Variants in PTPRA observed in about 807,000 individuals in gnomAD.
PTPRA encodes protein tyrosine phosphatase receptor type A, also known as receptor-type tyrosine-protein phosphatase alpha.
In PTPRA, 25 loss-of-function variants were observed where a neutral mutation model predicts 104.8. The ratio of observed to expected loss-of-function variants is 0.24; its 90% CI spans 0.17 to 0.33. PTPRA has a LOEUF of 0.33. Among genes scored for constraint, PTPRA ranks in the 10% least tolerant of loss-of-function variants. PTPRA has a pLI of 1.00. For synonymous variants in PTPRA, 323 were observed against 368.9 expected (o/e 0.88, Z 1.43); for missense variants, 765 against 1,015.3 (o/e 0.75, Z 3.35).
chr20:2,925,198 C>T (rs1299984626), intron 2 of PTPRA, among the ~76,000 whole-genome samples: 7 of 152,160 alleles, frequency 4.6e-5, no homozygotes, highest in Admixed American at 1.3e-4. Flanking sequence ...CCCATTTCCT[C>T]CTCCCCCAGC....
intron 1 of PTPRA, among the ~76,000 whole-genome samples, chr20:2,901,916 C>T (rs536159908): frequency 6.0e-5 from 9 of 150,830 alleles, no homozygotes; most frequent in East Asian, 3.9e-4. Flanking sequence ...TACAGAGTCT[C>T]GCTCTGTCAC....
chr20:3,008,663 G>A (rs942522838), intron 11 of PTPRA, among the ~76,000 whole-genome samples: 8 of 151,194 alleles, frequency 5.3e-5, no homozygotes, highest in South Asian at 2.1e-4. Context: ...AGGCCAAGGC[G>A]GTGGATCACT....
chr20:2,987,294 G>A (rs2062950744), intron 7 of PTPRA, among the ~76,000 whole-genome samples: 1 of 151,920 alleles, frequency 6.6e-6, no homozygotes, highest in African/African-American at 2.4e-5. Flanking sequence ...GGGACCCCTG[G>A]CCCTGGCATG....
At chr20:2,884,647 T>TA (rs1216430915) in intron 1 of PTPRA, among the ~76,000 whole-genome samples, 1 of 152,214 alleles carries the variant, frequency 6.6e-6, no homozygotes, top group Non-Finnish European at 1.5e-5. Context: ...AAGTTACTTA[T>TA]ATATTTTTAG....
intron 13 of PTPRA, among the ~76,000 whole-genome samples, chr20:3,019,962 C>CTG (rs1325759180): frequency 9.9e-5 from 15 of 151,944 alleles, no homozygotes; most frequent in African/African-American, 3.6e-4. Flanking sequence ...CAATCGCAGG[C>CTG]ACTCGGCAGG....
chr20:2,966,971 G>A (rs1459363008), intron 5 of PTPRA, among the ~76,000 whole-genome samples: 1 of 152,204 alleles, frequency 6.6e-6, no homozygotes, highest in African/African-American at 2.4e-5. Flanking sequence ...TGGAAAAGGT[G>A]GAGACTGTAA....
rs534878211 is a variant in PTPRA, at chr20:3,027,494, C to T, written c.1786-213C>T. On this transcript the variant is annotated intron_variant, in intron 19 of 23. Coordinates refer to ENST00000399903, the MANE Select transcript of PTPRA (RefSeq NM_001385305.1). The stretch of plus-strand genomic sequence containing the variant: ...CCCTGATCTTTCCCATTCCTGCCCT[C>T]TTCATCCTAGCTCTAATCCCTGTTC... Among the ~76,000 whole-genome samples, 70 of 152,346 alleles carry T rather than the reference C, an allele frequency of 4.6e-4. No homozygotes were observed. In the South Asian group the frequency reaches 9.5e-3, roughly 21 times the overall value.
rs367794432 is a variant in PTPRA, at chr20:2,965,006, C to T, written c.219C>T (p.Pro73=). Residue 73 remains proline (P), a synonymous_variant, in exon 5 of 24, where the codon CCC becomes CCT. Transcript: ENST00000399903. The part of the protein sequence containing the change: ...PTFSPNITLG[P]TYLTTVNSSD... ...TCAGCCCAAATATAACTCTGGGACC[C>T]ACCTATTTAACCACTGTCAATTCTT... 9.3e-6 allele frequency: 15 copies of T among 1,614,008 alleles called. No homozygotes were observed. The African/African-American group carries it at 1.9e-4, about 20-fold the overall frequency.
intron 17 of PTPRA, among the ~76,000 whole-genome samples, chr20:3,026,045 A>G (rs1004539625): frequency 6.6e-6 from 1 of 151,016 alleles, no homozygotes; most frequent in Admixed American, 6.6e-5. Flanking sequence ...TCCCGGGTTC[A>G]AGGGATTCTT....
chr20:3,024,690 G>A (rs2065046268), intron 17 of PTPRA, 69 bp downstream of exon 17: 3 of 1,574,612 alleles, frequency 1.9e-6, no homozygotes, highest in South Asian at 2.3e-5. Context: ...TGGGATGCCT[G>A]ACTGTGCATT....
At chr20:2,939,754 A>G (rs1268987101) in intron 2 of PTPRA, among the ~76,000 whole-genome samples, 1 of 152,060 alleles carries the variant, frequency 6.6e-6, no homozygotes, top group Non-Finnish European at 1.5e-5. Context: ...TCTTTTTTCT[A>G]CTTTTCAGAA....
In PTPRA at chr20:2,880,913, G is replaced by A. The variant is rs760494050; in HGVS notation, c.-129+7153G>A. Among the ~76,000 whole-genome samples, 2 of 152,004 alleles carry A rather than the reference G, an allele frequency of 1.3e-5. 1 individual carries two copies. Among genetic ancestry groups the A allele is most frequent in the Admixed American group, 1.3e-4 (2 of 15,258 alleles). On this transcript the variant is annotated intron_variant, in intron 1 of 23. Coordinates refer to ENST00000399903, the MANE Select transcript of PTPRA (RefSeq NM_001385305.1). The stretch of plus-strand genomic sequence containing the variant: ...AGTCCCACTTACTTGGGAGGCTGAG[G>A]CAGAGGATTGCTTGAACCCAGGAGT...
chr20:2,880,276 T>C (rs747386745), intron 1 of PTPRA, among the ~76,000 whole-genome samples: 4 of 152,378 alleles, frequency 2.6e-5, no homozygotes, highest in Middle Eastern at 3.4e-3. Context: ...TTATTGTTTT[T>C]ATCTAAAAGA....
At chr20:3,024,292 A>G (rs970543493) in intron 16 of PTPRA, among the ~76,000 whole-genome samples, 180 bp from the exon 17 acceptor site, 5 of 152,120 alleles carry the variant, frequency 3.3e-5, no homozygotes, top group African/African-American at 1.2e-4. Context: ...AAGCACCCCC[A>G]CAGGGACTCC....
intron 1 of PTPRA, among the ~76,000 whole-genome samples, chr20:2,902,023 C>A (rs2059257358): frequency 6.6e-6 from 1 of 151,822 alleles, no homozygotes; most frequent in African/African-American, 2.4e-5. Flanking sequence ...GAACCTGGGA[C>A]TACAGGTGAG....
At chr20:3,032,727 C>G (rs565289514) in intron 20 of PTPRA, among the ~76,000 whole-genome samples, 2 of 150,542 alleles carry the variant, frequency 1.3e-5, no homozygotes, top group Non-Finnish European at 3.0e-5. Flanking sequence ...GATCGCGCCA[C>G]TGCATTCCAG....
chr20:3,032,953 G>A (rs1349810269), intron 20 of PTPRA, among the ~76,000 whole-genome samples: 1 of 150,658 alleles, frequency 6.6e-6, no homozygotes, highest in East Asian at 1.9e-4. Context: ...GAAAGAGTCA[G>A]TACCTCCCTC....
At chr20:3,005,252 C>CA (rs1337992687) in intron 10 of PTPRA, 106 bp downstream of exon 10, 15 of 1,122,718 alleles carry the variant, frequency 1.3e-5, no homozygotes, top group Non-Finnish European at 1.9e-5. Context: ...GGGTGAATAA[C>CA]AAGAGTGCGT....
intron 20 of PTPRA, among the ~76,000 whole-genome samples, chr20:3,031,997 A>T (rs1427348166): frequency 1.3e-5 from 2 of 152,188 alleles, no homozygotes; most frequent in African/African-American, 4.8e-5. Flanking sequence ...CACAAATCTC[A>T]TAGAGGTAAT....
Sources: allele counts gnomAD v4.1 joint callset (sites outside exome capture counted in the v4.1 genomes callset), GRCh38; gene constraint gnomAD v4.1.1; transcripts MANE v1.5; gene names NCBI Gene and HGNC (gene_info 2026-07-23, HGNC 2026-07-21).